The following AGBL5 variants were observed in gnomAD, a reference collection of about 807,000 sequenced individuals.
The protein encoded by AGBL5 is AGBL carboxypeptidase 5.
AGBL5 carries 51 observed loss-of-function variants against 88.0 expected under a neutral mutation model. That is an observed-to-expected ratio of 0.58 (90% CI 0.46 to 0.73). AGBL5 has a LOEUF of 0.73. AGBL5 is among the 30% of genes least tolerant of loss of function. AGBL5 has a pLI of 0.00. For synonymous variants in AGBL5, 446 were observed against 438.8 expected (o/e 1.02, Z -0.21); for missense variants, 1,031 against 1,162.2 (o/e 0.89, Z 1.64).
chr2:27,053,653 A>T lies in AGBL5; in HGVS notation c.387+80A>T. 6.6e-7 allele frequency: 1 copy of T among 1,520,604 alleles called. No homozygotes were observed. The highest frequency in any genetic ancestry group is 1.3e-5 in the South Asian group (1 of 76,736). 94.2% of individuals were successfully genotyped at this position (1,520,604 alleles called of 1,614,324 possible). ...AGTAAAGCGTTTTTTTTTCCTTGAT[A>T]CAAGTATGAAGCAGGTGGGACAACA... On this transcript the variant is annotated intron_variant, in intron 3 of 14. Transcript: ENST00000360131. This position sits in a 1 kb window ranked among gnomAD's most constrained non-coding sequence, Gnocchi z 4.9.
Position 27,058,696 on chromosome 2 carries a change from C to T in AGBL5, c.1874+94C>T, listed in dbSNP as rs1037462647. The T allele has an allele frequency of 4.4e-5, 60 of 1,348,592 alleles. No individual in the cohort carries two copies. The African/African-American group carries it at 7.4e-4, about 17-fold the overall frequency. 83.5% of individuals were successfully genotyped at this position (1,348,592 alleles called of 1,614,324 possible). On this transcript the variant is annotated intron_variant, in intron 10 of 14. Transcript: ENST00000360131. ...AAGGGATTTATATTCCTTCCATCCT[C>T]CTCAAAGTGCCAAATGGCAAATATC...
intron 11 of AGBL5, among the ~76,000 whole-genome samples, chr2:27,066,710 G>A (rs951561822): frequency 3.3e-5 from 5 of 152,030 alleles, no homozygotes; most frequent in East Asian, 3.9e-4. Flanking sequence ...TTTGGGAGGC[G>A]GAGGTGGGTG....
chr2:27,068,592 T>A (rs1367814677), intron 12 of AGBL5, 40 bp from the exon 13 acceptor site: 1 of 1,578,784 alleles, frequency 6.3e-7, no homozygotes. Flanking sequence ...CCTCCTCTTC[T>A]CTGTGACCCC....
intron 11 of AGBL5, among the ~76,000 whole-genome samples, chr2:27,064,632 G>T (rs1184662469): frequency 6.7e-6 from 1 of 150,166 alleles, no homozygotes; most frequent in African/African-American, 2.5e-5. Context: ...TTGGTACCCA[G>T]CATATCTCCT....
At chr2:27,059,128 T>A in intron 10 of AGBL5, 62 bp from the exon 11 acceptor site, 1 of 1,513,184 alleles carries the variant, frequency 6.6e-7, no homozygotes, top group Non-Finnish European at 9.0e-7. Context: ...CAGCAGATCC[T>A]AGGGAAAGCC....
rs1339651296 is a variant in AGBL5, at chr2:27,055,191, C to T, written c.846C>T (p.Arg282=). 16 of 1,614,204 alleles carry T rather than the reference C, an allele frequency of 9.9e-6. No individual in the cohort carries two copies. Among genetic ancestry groups the T allele is most frequent in the African/African-American group, 1.3e-5 (1 of 75,054 alleles). ...ATCCCCGGGCCCAAACCCTCCGTCG[C>T]CTCTTCGTCTTTAAGCTGATTCCCA... ...PDDPRAQTLR[R]LFVFKLIPML... is the part of the protein sequence containing the mutation. Residue 282 remains arginine, a synonymous_variant, in exon 6 of 15, where the codon CGC becomes CGT. Coordinates refer to ENST00000360131, the MANE Select transcript of AGBL5 (RefSeq NM_021831.6).
Position 27,053,215 on chromosome 2 carries a change from C to G in AGBL5, c.215+42C>G, listed in dbSNP as rs904229698. ...GGAGGGTGGAAAAAGGCTCCAAACCCATGCTTCAGTTAGCCCTCTGACTTA... is the reference window on the plus strand; with the variant it reads ...GGAGGGTGGAAAAAGGCTCCAAACCGATGCTTCAGTTAGCCCTCTGACTTA... On this transcript the variant is annotated intron_variant, in intron 2 of 14. Transcript: ENST00000360131. This position sits in a 1 kb window ranked among gnomAD's most constrained non-coding sequence, Gnocchi z 4.9. 6.5e-7 allele frequency: 1 copy of G among 1,546,682 alleles called. No homozygotes were observed. Among genetic ancestry groups the G allele is most frequent in the Non-Finnish European group, 8.8e-7 (1 of 1,142,226 alleles).
Position 27,054,643 on chromosome 2 carries a change from A to G in AGBL5, c.565A>G (p.Ile189Val). Residue 189 changes from isoleucine (I) to valine (V), a missense_variant, in exon 5 of 15, where the codon ATC becomes GTC. Physicochemically the swap from Ile to Val is conservative, Grantham distance 29 (BLOSUM62 3). This residue lies in a region of AGBL5 where 540 missense variants were observed against 678.2 expected (regional missense o/e 0.80). Coordinates refer to ENST00000360131, the MANE Select transcript of AGBL5 (RefSeq NM_021831.6). ...HPTHSSPLDT[I>V]YYHRELLCYS... Reference sequence around the variant, plus strand: ...TTTTCCCTGTAGCCCCCTGGATACCATCTATTACCATCGGGAGCTCCTTTG... The same window carrying G: ...TTTTCCCTGTAGCCCCCTGGATACCGTCTATTACCATCGGGAGCTCCTTTG... The G allele has an allele frequency of 6.2e-7, 1 of 1,613,840 alleles. No individual in the cohort carries two copies. Among genetic ancestry groups the G allele is most frequent in the Non-Finnish European group, 8.5e-7 (1 of 1,179,870 alleles).
At chr2:27,050,782 C>G (rs1384562457), upstream of AGBL5, among the ~76,000 whole-genome samples, 1 of 152,192 alleles carries the variant, frequency 6.6e-6, no homozygotes, top group Admixed American at 6.5e-5. Flanking sequence ...CGCAGCGGAG[C>G]CTTCGATAGC....
intron 6 of AGBL5, 38 bp downstream of exon 6, chr2:27,055,291 T>C (rs899762445): frequency 1.2e-6 from 2 of 1,600,130 alleles, no homozygotes; most frequent in African/African-American, 2.7e-5. Flanking sequence ...CTGTTCCCAT[T>C]TCCCCTCATG....
rs1178004746 is a variant in AGBL5 at position 27,052,918 on chromosome 2, A to G, written c.-41A>G. Reference sequence around the variant, plus strand: ...TAACCCTTGTTTTCCCCCAGCTCTCAGGGCCAGAGCGGGGCAGGAGGATGC... The same window carrying G: ...TAACCCTTGTTTTCCCCCAGCTCTCGGGGCCAGAGCGGGGCAGGAGGATGC... On this transcript the variant is annotated 5_prime_UTR_variant, in exon 2 of 15. Transcript: ENST00000360131. 1 of 1,506,366 alleles carries G rather than the reference A, an allele frequency of 6.6e-7. No homozygotes were observed. Among genetic ancestry groups the G allele is most frequent in the Non-Finnish European group, 8.9e-7 (1 of 1,119,164 alleles). The allele number at this position is 1,506,366 out of a possible 1,614,324, so 93.3% of individuals were successfully genotyped here.
chr2:27,053,381 C>G lies in AGBL5; in HGVS notation c.216-21C>G, dbSNP rs1558411785. 3.1e-6 allele frequency: 5 copies of G among 1,611,860 alleles called. No individual in the cohort carries two copies. Among genetic ancestry groups the G allele is most frequent in the Admixed American group, 3.3e-5 (2 of 59,798 alleles). On this transcript the variant is annotated intron_variant, in intron 2 of 14. Coordinates refer to ENST00000360131, the MANE Select transcript of AGBL5 (RefSeq NM_021831.6). This position sits in a 1 kb window ranked among gnomAD's most constrained non-coding sequence, Gnocchi z 4.9. The stretch of plus-strand genomic sequence containing the variant: ...CCAACCCTTCCACACGTAATGACCT[C>G]TCTCTTACTCTGGTCCTCAGGTCAT...
Position 27,054,672 on chromosome 2 carries a change from T to C in AGBL5, c.594T>C (p.Tyr198=). Residue 198 remains tyrosine, a synonymous_variant, in exon 5 of 15, where the codon TAT becomes TAC. Coordinates refer to ENST00000360131, the MANE Select transcript of AGBL5 (RefSeq NM_021831.6). ...ATTACCATCGGGAGCTCCTTTGCTA[T>C]TCTCTGGATGGACTTCGTGTAGATC... is the stretch of plus-strand genomic sequence containing the variant. ...TIYYHRELLC[Y]SLDGLRVDLL... is the part of the protein sequence containing the mutation. 1 of 1,614,118 alleles carries C rather than the reference T, an allele frequency of 6.2e-7. No individual in the cohort carries two copies. The highest frequency in any genetic ancestry group is 8.5e-7 in the Non-Finnish European group (1 of 1,179,996).
chr2:27,059,607 G>A (rs190763523), intron 11 of AGBL5: 3 of 1,233,454 alleles, frequency 2.4e-6, no homozygotes, highest in Non-Finnish European at 3.3e-6. Context: ...GTGGCCAGAG[G>A]GGGAAGTCTG....
intron 14 of AGBL5, 105 bp from the exon 15 acceptor site, chr2:27,069,987 C>T (rs1669197713): frequency 1.3e-6 from 2 of 1,529,798 alleles, no homozygotes; most frequent in Non-Finnish European, 1.8e-6. Context: ...CATCCTTACC[C>T]ATCTTCATCT....
At position 27,055,133 on chromosome 2, in the gene AGBL5, A is replaced by G. The variant is rs1240727369; in HGVS notation, c.788A>G (p.Asn263Ser). The G allele has an allele frequency of 4.3e-6, 7 of 1,614,056 alleles. No individual in the cohort carries two copies. Among genetic ancestry groups the G allele is most frequent in the South Asian group, 2.2e-5 (2 of 91,092 alleles). The part of the protein sequence containing the change: ...PGETPSSFVF[N>S]GFLDFILRPD... Reference sequence around the variant, plus strand: ...GAGACTCCATCTAGCTTTGTCTTCAATGGCTTTCTGGACTTCATCCTCCGA... The same window carrying G: ...GAGACTCCATCTAGCTTTGTCTTCAGTGGCTTTCTGGACTTCATCCTCCGA... Residue 263 changes from asparagine (N) to serine (S), a missense_variant, in exon 6 of 15, where the codon AAT becomes AGT. By Grantham distance (46) the Asn-to-Ser change is conservative (BLOSUM62 1). Coordinates refer to ENST00000360131, the MANE Select transcript of AGBL5 (RefSeq NM_021831.6).
chr2:27,059,382 C>T lies in AGBL5; in HGVS notation c.2067C>T (p.His689=). The T allele has an allele frequency of 1.2e-6, 2 of 1,614,232 alleles. No homozygotes were observed. Among genetic ancestry groups the T allele is most frequent in the South Asian group, 1.1e-5 (1 of 91,088 alleles). The change falls in exon 11 of 15, where the codon CAC becomes CAT. Residue 689 remains histidine (H), a synonymous_variant. Transcript: ENST00000360131. ...GCTCTAGTACCCAAAAGGTCACCCA[C>T]CGGGTGCTGGGCCCCGTCAGAGGTA... ...GLGSSTQKVT[H]RVLGPVREPR...
In AGBL5 at chr2:27,069,688, C is replaced by T. The variant is rs770480435; in HGVS notation, c.2471C>T (p.Ser824Phe). 3.7e-6 allele frequency: 6 copies of T among 1,614,132 alleles called. No individual in the cohort carries two copies. Among genetic ancestry groups the T allele is most frequent in the South Asian group, 2.2e-5 (2 of 91,090 alleles). Residue 824 changes from serine to phenylalanine, a missense_variant, in exon 14 of 15, where the codon TCC becomes TTC. Ser to Phe is a radical substitution (Grantham distance 155, BLOSUM62 -2). Transcript: ENST00000360131. ...TRESSELELG[S>F]CSATPGLPQA... ...GAGAGCAGTGAGCTGGAGCTGGGAT[C>T]CTGCTCTGCTACACCAGGGTGAGCA...
chr2:27,051,313 A>G (rs982784012), upstream of AGBL5: 5 of 152,250 alleles, frequency 3.3e-5, no homozygotes, highest in Admixed American at 6.5e-5. Context: ...GTCACACTAC[A>G]GAACACAAAA....
Sources: gnomAD v4.1 joint callset for allele counts (sites outside exome capture counted in the v4.1 genomes callset) on GRCh38, gnomAD v4.1.1 for gene constraint, gnomAD v4.1.1 regional missense constraint, Gnocchi (gnomAD v3.1) non-coding constraint, MANE v1.5 for transcripts, NCBI Gene and HGNC (gene_info 2026-07-23, HGNC 2026-07-21) for gene names.